GLE1: variants seen among roughly 807,000 people sequenced by gnomAD.
GLE1 encodes GLE1 RNA export mediator, also known as mRNA export factor GLE1.
GLE1 carries 78 observed loss-of-function variants against 97.3 expected under a neutral mutation model. That is an observed-to-expected ratio of 0.80 (90% CI 0.67 to 0.97). The LOEUF (loss-of-function observed/expected upper bound fraction) is 0.97. GLE1 is among the 50% of genes least tolerant of loss of function. The probability of loss-of-function intolerance (pLI) is 0.00; values close to 1 mark genes in which losing one functional copy is unlikely to be tolerated. For missense variants in GLE1, 753 were observed against 857.5 expected (o/e 0.88, Z 1.52); for synonymous variants, 302 against 313.4 (o/e 0.96, Z 0.39).
At position 128,527,485 on chromosome 9, in the gene GLE1, G is replaced by A; in HGVS notation, c.1272G>A (p.Lys424=). 6.2e-7 allele frequency: 1 copy of A among 1,613,478 alleles called. No individual in the cohort carries two copies. Among genetic ancestry groups the A allele is most frequent in the East Asian group, 2.2e-5 (1 of 44,882 alleles). The change falls in exon 9 of 16, where the codon AAG becomes AAA. Residue 424 remains lysine (K), a synonymous_variant. Coordinates refer to ENST00000309971, the MANE Select transcript of GLE1 (RefSeq NM_001003722.2). ...QAKKIKMDLQ[K]AATIPVSQIS... ...AAAAGATAAAGATGGACCTCCAGAA[G>A]GCTGCTACCATCCCAGTGAGCCAAA...
intron 2 of GLE1, among the ~76,000 whole-genome samples, chr9:128,513,589 G>A (rs1846887350): frequency 4.0e-5 from 6 of 151,782 alleles, no homozygotes; most frequent in East Asian, 1.9e-4. Context: ...TCATGCCTAC[G>A]GTCCCAGCTA....
intron 1 of GLE1, 119 bp from the exon 2 acceptor site, chr9:128,508,757 A>G: frequency 1.4e-6 from 1 of 720,290 alleles, no homozygotes. Flanking sequence ...TTAATACATT[A>G]CTTTGGGTCT....
chr9:128,511,745 TA>T (rs1217711820), intron 2 of GLE1, among the ~76,000 whole-genome samples: 2 of 147,314 alleles, frequency 1.4e-5, no homozygotes, highest in South Asian at 2.2e-4. Context: ...GACTTAAACA[TA>T]AAAAAAAAAC....
At chr9:128,530,440 G>C (rs961282795) in intron 9 of GLE1, among the ~76,000 whole-genome samples, 1 of 152,098 alleles carries the variant, frequency 6.6e-6, no homozygotes, top group African/African-American at 2.4e-5. Context: ...CATCGAATTA[G>C]TCTATATCTT....
rs527819582 is a variant in GLE1, at chr9:128,533,746, C to T, written c.1456-15C>T. ...TGGTATTAAGTTAAAATTGTACCCA[C>T]CTCTATGTTCTCAGAAACAAGGCGA... is the stretch of plus-strand genomic sequence containing the variant. On this transcript the variant is annotated splice_polypyrimidine_tract_variant and intron_variant, in intron 10 of 15. Coordinates refer to ENST00000309971, the MANE Select transcript of GLE1 (RefSeq NM_001003722.2). 2.2e-5 allele frequency: 35 copies of T among 1,613,736 alleles called. No individual in the cohort carries two copies. Among genetic ancestry groups the T allele is most frequent in the Admixed American group, 3.3e-5 (2 of 60,014 alleles).
intron 6 of GLE1, among the ~76,000 whole-genome samples, chr9:128,524,577 G>A (rs1186716201): frequency 7.4e-6 from 1 of 134,874 alleles, no homozygotes; most frequent in Middle Eastern, 3.5e-3. Flanking sequence ...TTTGAGACAG[G>A]GTCTCACACT....
rs746646699 is a variant in GLE1 at position 128,504,772 on chromosome 9, G to A, written c.-34G>A. ...GATTCGAGGGCTTGTTTGGTCAGAAGGGGGGCGTCAGAGAAGCTGCCCCTT... is the reference window on the plus strand; with the variant it reads ...GATTCGAGGGCTTGTTTGGTCAGAAAGGGGGCGTCAGAGAAGCTGCCCCTT... On this transcript the variant is annotated 5_prime_UTR_variant, in exon 1 of 16. Transcript: ENST00000309971. 19 of 1,374,744 alleles carry A rather than the reference G, an allele frequency of 1.4e-5. No individual in the cohort carries two copies. The South Asian group carries it at 1.5e-4, about 11-fold the overall frequency. 85.2% of individuals were successfully genotyped at this position (1,374,744 alleles called of 1,614,324 possible).
At chr9:128,520,358 G>A (rs1017564144) in intron 3 of GLE1, among the ~76,000 whole-genome samples, 420 of 147,042 alleles carry the variant, frequency 2.9e-3, no homozygotes, top group African/African-American at 9.3e-3. Flanking sequence ...ATATATGTAT[G>A]TGTGTATATA....
intron 9 of GLE1, among the ~76,000 whole-genome samples, chr9:128,528,194 C>T (rs372582161): frequency 2.6e-5 from 4 of 151,480 alleles, no homozygotes; most frequent in Non-Finnish European, 5.9e-5. Flanking sequence ...TTAGTAGAGA[C>T]GGGGTTTCAC....
intron 1 of GLE1, among the ~76,000 whole-genome samples, chr9:128,505,642 C>T (rs1194480844): frequency 6.6e-6 from 1 of 152,190 alleles, no homozygotes; most frequent in Non-Finnish European, 1.5e-5. Context: ...GATGCCATGG[C>T]TTTCTCAGTA....
chr9:128,539,969 C>A, intron 14 of GLE1: 1 of 893,820 alleles, frequency 1.1e-6, no homozygotes, highest in Non-Finnish European at 1.6e-6. Context: ...CCTATAATTG[C>A]AGCTCTTTGG....
intron 1 of GLE1, among the ~76,000 whole-genome samples, chr9:128,507,952 G>A (rs1195806217): frequency 6.6e-6 from 1 of 152,102 alleles, no homozygotes; most frequent in Non-Finnish European, 1.5e-5. Context: ...GGCTGAGGCG[G>A]GTGGATCGCC....
chr9:128,532,600 A>G (rs2132503131), intron 9 of GLE1: 1 of 326,450 alleles, frequency 3.1e-6, no homozygotes, highest in South Asian at 1.2e-4. Flanking sequence ...GGAGCTAGAA[A>G]CTTTAGTTCT....
At position 128,508,346 on chromosome 9, in the gene GLE1, A is replaced by G. The variant is rs544369308; in HGVS notation, c.100-530A>G. On this transcript the variant is annotated intron_variant, in intron 1 of 15. Transcript: ENST00000309971. ...GCTTGAGCCCAGGAGGTCAGGCTACAGTGAGCCATGATTAGGTCACTGCAC... is the reference window on the plus strand; with the variant it reads ...GCTTGAGCCCAGGAGGTCAGGCTACGGTGAGCCATGATTAGGTCACTGCAC... Among the ~76,000 whole-genome samples the G allele has an allele frequency of 2.0e-5, 3 of 151,920 alleles. No individual in the cohort carries two copies. The South Asian group carries it at 6.2e-4, about 32-fold the overall frequency.
At chr9:128,519,527 A>T (rs1297892792) in intron 3 of GLE1, among the ~76,000 whole-genome samples, 2 of 152,210 alleles carry the variant, frequency 1.3e-5, no homozygotes, top group African/African-American at 2.4e-5. Flanking sequence ...ATTAGGAAGA[A>T]GAAATTCCTG....
chr9:128,518,085 A>G (rs929108849), intron 3 of GLE1, among the ~76,000 whole-genome samples: 25 of 152,092 alleles, frequency 1.6e-4, no homozygotes, highest in Non-Finnish European at 7.4e-5. Context: ...TTGGAATACT[A>G]GTTCCCATAC....
chr9:128,540,997 C>T (rs1408680780), intron 15 of GLE1, 105 bp from the exon 16 acceptor site: 5 of 789,954 alleles, frequency 6.3e-6, no homozygotes, highest in Non-Finnish European at 1.2e-5. Flanking sequence ...TTCACTGTTC[C>T]ATAGGGCTGA....
In GLE1 at chr9:128,536,414, G is replaced by T. The variant is rs121434407; in HGVS notation, c.1706G>T (p.Arg569Leu). ...KVEQQDNFLK[R>L]MSGMIRLYAA... ...GAGCAGCAAGACAACTTTCTAAAAC[G>T]CATGTCAGGGATGATCCGTCTCTAC... The change falls in exon 12 of 16, where the codon CGC (arginine) becomes CTC (leucine). Residue 569 changes from arginine (R) to leucine (L), a missense_variant. Physicochemically the swap from Arg to Leu is moderately radical, Grantham distance 102. Coordinates refer to ENST00000309971, the MANE Select transcript of GLE1 (RefSeq NM_001003722.2). 6.2e-7 allele frequency: 1 copy of T among 1,613,812 alleles called. No homozygotes were observed.
chr9:128,526,994 A>G (rs1259131943), intron 7 of GLE1, among the ~76,000 whole-genome samples, 185 bp from the exon 8 acceptor site: 1 of 152,204 alleles, frequency 6.6e-6, no homozygotes, highest in Non-Finnish European at 1.5e-5. Flanking sequence ...ACCATGGCAA[A>G]TCACTTAACC....
Sources: allele counts gnomAD v4.1 joint callset (sites outside exome capture counted in the v4.1 genomes callset), GRCh38; gene constraint gnomAD v4.1.1; transcripts MANE v1.5; gene names NCBI Gene and HGNC (gene_info 2026-07-23, HGNC 2026-07-21).